The following KCTD8 variants were observed in gnomAD, a reference collection of about 807,000 sequenced individuals.
The protein encoded by KCTD8 is BTB/POZ domain-containing protein KCTD8.
Under a neutral mutation model 31.5 loss-of-function variants are expected in KCTD8, and 27 were observed. That is an observed-to-expected ratio of 0.86 (90% CI 0.63 to 1.18). KCTD8 has a LOEUF of 1.18. Among genes scored for constraint, KCTD8 ranks in the 50% most tolerant of loss-of-function variants. The pLI is 0.00. For synonymous variants in KCTD8, 290 were observed against 280.0 expected (o/e 1.04, Z -0.36); for missense variants, 658 against 647.7 (o/e 1.02, Z -0.17).
intron 1 of KCTD8, among the ~76,000 whole-genome samples, chr4:44,397,570 GGAGGAACCAAGTCTTAAA>G (rs1720538378): frequency 6.6e-6 from 1 of 152,052 alleles, no homozygotes; most frequent in Admixed American, 6.6e-5. Flanking sequence ...AATTTTAAGC[GGAGGAACCAAGTCTTAAA>G]GAGATTACTG....
At chr4:44,297,036 G>C (rs577416790) in intron 1 of KCTD8, among the ~76,000 whole-genome samples, 7 of 152,156 alleles carry the variant, frequency 4.6e-5, no homozygotes, top group East Asian at 3.9e-4. Context: ...TATAGAAGCA[G>C]AGTACTTTCA....
intron 1 of KCTD8, among the ~76,000 whole-genome samples, chr4:44,223,748 T>C (rs1235731198): frequency 1.3e-5 from 2 of 152,216 alleles, no homozygotes; most frequent in Non-Finnish European, 1.5e-5. Context: ...GTTTCCACAG[T>C]TGAAGTCTTG....
At chr4:44,376,098 T>C (rs1018138640) in intron 1 of KCTD8, among the ~76,000 whole-genome samples, 1 of 152,154 alleles carries the variant, frequency 6.6e-6, no homozygotes, top group African/African-American at 2.4e-5. Flanking sequence ...TTACCACTCA[T>C]AATTCCCTCA....
intron 1 of KCTD8, among the ~76,000 whole-genome samples, chr4:44,446,980 GCCCC>G (rs148508447): frequency 6.6e-6 from 1 of 151,920 alleles, no homozygotes; most frequent in Non-Finnish European, 1.5e-5. Context: ...TCATGCCCCC[GCCCC>G]CTCGAGGGGC....
intron 1 of KCTD8, among the ~76,000 whole-genome samples, chr4:44,436,728 T>C (rs777928872): frequency 7.9e-5 from 12 of 152,084 alleles, no homozygotes; most frequent in Non-Finnish European, 1.3e-4. Context: ...GAGGTGTATA[T>C]GTGGGAGTTT....
intron 1 of KCTD8, among the ~76,000 whole-genome samples, chr4:44,280,212 C>T (rs1716867445): frequency 6.6e-6 from 1 of 151,840 alleles, no homozygotes; most frequent in Non-Finnish European, 1.5e-5. Flanking sequence ...TGTATTAGGC[C>T]TGAATTAAAC....
intron 1 of KCTD8, among the ~76,000 whole-genome samples, chr4:44,364,726 A>C (rs1719585684): frequency 6.6e-6 from 1 of 152,184 alleles, no homozygotes; most frequent in Non-Finnish European, 1.5e-5. Context: ...AGCAATAAAA[A>C]GAAATAAGCT....
At chr4:44,311,007 A>AT (rs11431391) in intron 1 of KCTD8, among the ~76,000 whole-genome samples, 33,235 of 150,892 alleles carry the variant, frequency 0.22, 3,692 homozygotes, top group East Asian at 0.29. Context: ...TCTTCTTTGT[A>AT]TTTTTTTTTC....
rs1338219376 is a variant in KCTD8, at chr4:44,174,331, T to TAATG, written c.*458_*459insCATT. On this transcript the variant is annotated 3_prime_UTR_variant, in exon 2 of 2. Transcript: ENST00000360029. ...GTATTCATGCAAAAATAATACTTGTTTCATTGAATTAACATTTAGACAGCT... is the reference window on the plus strand; with the variant it reads ...GTATTCATGCAAAAATAATACTTGTTAATGTCATTGAATTAACATTTAGACAGCT... The TAATG allele has an allele frequency of 1.3e-5, 2 of 153,206 alleles. No individual in the cohort carries two copies. The highest frequency in any genetic ancestry group is 2.9e-5 in the Non-Finnish European group (2 of 68,446). 9.5% of individuals were successfully genotyped at this position (153,206 alleles called of 1,614,324 possible).
chr4:44,348,321 A>G (rs1719086545), intron 1 of KCTD8, among the ~76,000 whole-genome samples: 1 of 152,184 alleles, frequency 6.6e-6, no homozygotes, highest in Non-Finnish European at 1.5e-5. Context: ...TGCCGCTATC[A>G]ATGTAACATC....
At chr4:44,423,820 T>C (rs2109472469) in intron 1 of KCTD8, among the ~76,000 whole-genome samples, 1 of 152,248 alleles carries the variant, frequency 6.6e-6, no homozygotes, top group South Asian at 2.1e-4. Context: ...CATTCTGAAG[T>C]TACATACTAA....
intron 1 of KCTD8, among the ~76,000 whole-genome samples, chr4:44,427,176 T>C (rs1003149335): frequency 1.3e-5 from 2 of 151,614 alleles, no homozygotes; most frequent in Admixed American, 6.6e-5. Context: ...GTGATGGTTA[T>C]GAACCAAATA....
At chr4:44,251,989 G>A (rs766744959) in intron 1 of KCTD8, among the ~76,000 whole-genome samples, 1 of 151,596 alleles carries the variant, frequency 6.6e-6, no homozygotes, top group Non-Finnish European at 1.5e-5. Context: ...TATACCTAAT[G>A]TGTAGTCTTT....
chr4:44,182,330 G>A (rs1320771141), intron 1 of KCTD8, among the ~76,000 whole-genome samples: 2 of 152,240 alleles, frequency 1.3e-5, no homozygotes, highest in Non-Finnish European at 2.9e-5. Context: ...TGAAGATGGC[G>A]GTTTTGTGGA....
chr4:44,409,155 A>G (rs899772935), intron 1 of KCTD8, among the ~76,000 whole-genome samples: 1 of 151,640 alleles, frequency 6.6e-6, no homozygotes, highest in African/African-American at 2.4e-5. Flanking sequence ...AGGCAGGAGA[A>G]TCAAGGATGT....
intron 1 of KCTD8, among the ~76,000 whole-genome samples, chr4:44,283,971 TA>T (rs1247703364): frequency 1.3e-5 from 2 of 151,950 alleles, no homozygotes; most frequent in Non-Finnish European, 2.9e-5. Context: ...CTCAAGGAAA[TA>T]AAAGAGGACA....
intron 1 of KCTD8, among the ~76,000 whole-genome samples, chr4:44,192,136 C>T (rs750586353): frequency 2.6e-5 from 4 of 152,110 alleles, no homozygotes; most frequent in Non-Finnish European, 5.9e-5. Context: ...GCGGGTTCCC[C>T]CGATAAATGC....
chr4:44,443,833 C>G (rs1462590871), intron 1 of KCTD8, among the ~76,000 whole-genome samples: 2 of 152,142 alleles, frequency 1.3e-5, no homozygotes. Flanking sequence ...GGCATGTTAT[C>G]TATATTCTAT....
intron 1 of KCTD8, among the ~76,000 whole-genome samples, chr4:44,252,480 A>G (rs553980154): frequency 6.6e-6 from 1 of 151,854 alleles, no homozygotes; most frequent in South Asian, 2.1e-4. Context: ...TCCCACCATC[A>G]ATGTAGAAGT....
Sources: allele counts gnomAD v4.1 joint callset (sites outside exome capture counted in the v4.1 genomes callset), GRCh38; gene constraint gnomAD v4.1.1; transcripts MANE v1.5; gene names NCBI Gene and HGNC (gene_info 2026-07-23, HGNC 2026-07-21).